Variants in PDILT observed in about 807,000 individuals in gnomAD.
PDILT encodes protein disulfide isomerase like, testis expressed.
Under a neutral mutation model 53.7 loss-of-function variants are expected in PDILT, and 43 were observed. The ratio of observed to expected loss-of-function variants is 0.80; its 90% CI spans 0.63 to 1.03. The LOEUF is 1.03. PDILT is among the 50% of genes least tolerant of loss of function. PDILT has a pLI of 0.00. For synonymous variants in PDILT, 282 were observed against 274.2 expected, an observed-to-expected ratio of 1.03 and a Z score of -0.28; for missense variants, 727 against 712.3, an observed-to-expected ratio of 1.02 and a Z score of -0.24.
At chr16:20,385,700 C>G (rs1966525302) in intron 2 of PDILT, among the ~76,000 whole-genome samples, 1 of 152,090 alleles carries the variant, frequency 6.6e-6, no homozygotes. Context: ...CACAATTCAT[C>G]CCTGTAACCA....
intron 2 of PDILT, among the ~76,000 whole-genome samples, chr16:20,398,261 C>T (rs925694182): frequency 2.0e-5 from 3 of 151,988 alleles, no homozygotes; most frequent in African/African-American, 7.3e-5. Context: ...CCTGCTCTGT[C>T]CCCCAAAATG....
At chr16:20,374,754 C>A (rs1387279665) in intron 5 of PDILT, 68 bp downstream of exon 5, 9 of 1,517,606 alleles carry the variant, frequency 5.9e-6, no homozygotes, top group African/African-American at 4.2e-5. Context: ...GAATTTGTAC[C>A]CAAAGCTCAT....
chr16:20,402,412 C>G (rs1291482879), intron 1 of PDILT, among the ~76,000 whole-genome samples: 4 of 152,214 alleles, frequency 2.6e-5, no homozygotes, highest in Middle Eastern at 3.4e-3. Context: ...GATTCTCCTG[C>G]CTCAGCCTCT....
chr16:20,382,690 G>T (rs1359571543), intron 3 of PDILT, among the ~76,000 whole-genome samples: 1 of 152,212 alleles, frequency 6.6e-6, no homozygotes, highest in Non-Finnish European at 1.5e-5. Flanking sequence ...TATGTGTCAG[G>T]CCGTGTGCCT....
At chr16:20,369,722 G>A (rs1966275777) in intron 7 of PDILT, 33 bp from the exon 8 acceptor site, 13 of 1,609,680 alleles carry the variant, frequency 8.1e-6, no homozygotes, top group Non-Finnish European at 1.1e-5. Context: ...TGTCTCTCTG[G>A]ATCCTTTGCC....
At chr16:20,373,772 GTACA>G (rs36127945) in intron 5 of PDILT, among the ~76,000 whole-genome samples, 126,668 of 151,618 alleles carry the variant, frequency 0.84, 54,110 homozygotes, top group Non-Finnish European at 0.93. Flanking sequence ...TCTGTTTTCT[GTACA>G]TACATCACTT....
At chr16:20,367,984 A>T (rs1966239468) in intron 8 of PDILT, among the ~76,000 whole-genome samples, 1 of 152,146 alleles carries the variant, frequency 6.6e-6, no homozygotes, top group African/African-American at 2.4e-5. Flanking sequence ...TAAGGGAATC[A>T]TCATCAGAGC....
intron 1 of PDILT, among the ~76,000 whole-genome samples, chr16:20,400,054 CTATATA>C (rs138618785): frequency 1.6e-5 from 2 of 124,782 alleles, no homozygotes; most frequent in African/African-American, 5.9e-5. Flanking sequence ...ATCTATCTAT[CTATATA>C]TATATATATA....
At chr16:20,362,744 G>T (rs1224986007) in intron 9 of PDILT, among the ~76,000 whole-genome samples, 162 bp from the exon 10 acceptor site, 1 of 151,992 alleles carries the variant, frequency 6.6e-6, no homozygotes, top group East Asian at 1.9e-4. Context: ...TTACATTTCA[G>T]CAATAGTTCC....
chr16:20,359,626 A>C (rs992753609), intron 11 of PDILT, 59 bp from the exon 12 acceptor site: 53 of 1,501,048 alleles, frequency 3.5e-5, no homozygotes, highest in Non-Finnish European at 3.7e-6. Context: ...GAAAGAAATA[A>C]AGAGGCAAGA....
chr16:20,383,700 G>A (rs761036291), intron 3 of PDILT, among the ~76,000 whole-genome samples: 41 of 152,208 alleles, frequency 2.7e-4, no homozygotes, highest in Non-Finnish European at 4.6e-4. Context: ...TCCAGTGGAA[G>A]GCAGTTTCCG....
intron 2 of PDILT, among the ~76,000 whole-genome samples, chr16:20,397,913 A>C (rs373287116): frequency 6.6e-6 from 1 of 152,144 alleles, no homozygotes; most frequent in Non-Finnish European, 1.5e-5. Flanking sequence ...GGCTCTGAAC[A>C]CAGGATTCCA....
intron 10 of PDILT, among the ~76,000 whole-genome samples, chr16:20,361,716 C>T (rs1420504182): frequency 2.0e-5 from 3 of 152,204 alleles, no homozygotes; most frequent in African/African-American, 7.2e-5. Context: ...TCAGACCACA[C>T]TTCCTACCTG....
chr16:20,360,614 TCAGAGAAGCC>T lies in PDILT; in HGVS notation c.1450_1459del (p.Gly484ThrfsTer25), dbSNP rs775325415. Reference sequence around the variant, plus strand: ...AGTTTTGATGTGGCTTTCCAGGAAGTCAGAGAAGCCCTTCAGGGTGTGTTCTCCCTTATAC... The same window carrying T: ...AGTTTTGATGTGGCTTTCCAGGAAGTCTTCAGGGTGTGTTCTCCCTTATAC... On this transcript the variant is annotated frameshift_variant, in exon 11 of 12. Transcript: ENST00000302451. LOFTEE classifies it low-confidence loss of function (END_TRUNC). The T allele has an allele frequency of 1.2e-6, 2 of 1,614,128 alleles. No individual in the cohort carries two copies. The highest frequency in any genetic ancestry group is 1.7e-6 in the Non-Finnish European group (2 of 1,179,986).
intron 4 of PDILT, 85 bp downstream of exon 4, chr16:20,375,983 C>T (rs1458453079): frequency 2.6e-5 from 40 of 1,525,872 alleles, no homozygotes; most frequent in South Asian, 3.8e-5. Flanking sequence ...GCAATCAAAA[C>T]GGAAGAGTCT....
intron 3 of PDILT, among the ~76,000 whole-genome samples, chr16:20,382,319 G>T (rs559282404): frequency 6.6e-6 from 1 of 152,282 alleles, no homozygotes; most frequent in South Asian, 2.1e-4. Context: ...AATGTAAAGC[G>T]GATTTCAACA....
intron 2 of PDILT, among the ~76,000 whole-genome samples, chr16:20,385,490 A>C (rs1002963791): frequency 1.3e-5 from 2 of 152,208 alleles, no homozygotes; most frequent in Non-Finnish European, 2.9e-5. Context: ...TACTGCTTCC[A>C]TTATTATAGT....
chr16:20,370,675 C>T (rs1880613493), intron 7 of PDILT, among the ~76,000 whole-genome samples: 2 of 152,162 alleles, frequency 1.3e-5, no homozygotes, highest in Non-Finnish European at 1.5e-5. Flanking sequence ...GGGCTCCTTT[C>T]CCAGACGATT....
intron 2 of PDILT, among the ~76,000 whole-genome samples, chr16:20,390,085 C>A (rs1202751999): frequency 6.6e-6 from 1 of 152,056 alleles, no homozygotes; most frequent in Non-Finnish European, 1.5e-5. Context: ...AACTTCTGAT[C>A]AAGCATGAAA....
Sources: gnomAD v4.1 joint callset for allele counts (sites outside exome capture counted in the v4.1 genomes callset) on GRCh38, gnomAD v4.1.1 for gene constraint, MANE v1.5 for transcripts, NCBI Gene and HGNC (gene_info 2026-07-23, HGNC 2026-07-21) for gene names.